Variants in ZNF469 observed in about 807,000 individuals in gnomAD.
The protein encoded by ZNF469 is zinc finger protein 469.
Under a neutral mutation model 1.0 loss-of-function variants are expected in ZNF469, and 1 was observed. The ratio of observed to expected loss-of-function variants is 1.00; its 90% CI spans 0.35 to 4.73. The LOEUF is 4.73. Among genes scored for constraint, ZNF469 ranks in the 30% most tolerant of loss-of-function variants. The pLI is 0.16. For missense variants in ZNF469, 6,100 were observed against 5,356.3 expected (o/e 1.14, Z -4.33); for synonymous variants, 2,703 against 2,363.4 (o/e 1.14, Z -4.17).
At chr16:88,112,772 CTTTTTTTT>C in the ZNF469 span, among the ~76,000 whole-genome samples, 3 of 73,468 alleles carry the variant, frequency 4.1e-5, no homozygotes, top group African/African-American at 1.2e-4. Flanking sequence ...TGTGCAGAAG[CTTTTTTTT>C]TTTTTTTTTT....
the ZNF469 span, among the ~76,000 whole-genome samples, chr16:88,236,485 C>G: frequency 2.0e-5 from 3 of 152,238 alleles, no homozygotes; most frequent in Non-Finnish European, 4.4e-5. Context: ...CCCCACTTCC[C>G]ATCACAGCCT....
At chr16:88,143,403 G>A in the ZNF469 span, among the ~76,000 whole-genome samples, 107 of 152,296 alleles carry the variant, frequency 7.0e-4, no homozygotes, top group Non-Finnish European at 1.3e-3. Flanking sequence ...CTGGGGCGCC[G>A]AGCAGGGTGG....
the ZNF469 span, among the ~76,000 whole-genome samples, chr16:88,145,234 G>T: frequency 6.6e-6 from 1 of 152,134 alleles, no homozygotes; most frequent in African/African-American, 2.4e-5. Context: ...CAGGGAAACA[G>T]CTTTGCAGTC....
chr16:88,426,071 G>C (rs537110765), intron 2 of ZNF469, among the ~76,000 whole-genome samples: 1 of 152,222 alleles, frequency 6.6e-6, no homozygotes, highest in Non-Finnish European at 1.5e-5. Flanking sequence ...GCTGTAGTGC[G>C]GGAACTCCGG....
chr16:88,413,491 C>G (rs1597198599), intron 1 of ZNF469, among the ~76,000 whole-genome samples: 1 of 152,374 alleles, frequency 6.6e-6, no homozygotes, highest in East Asian at 1.9e-4. Flanking sequence ...AAGCAGGGAG[C>G]CCTGGGCTCT....
In ZNF469 at chr16:88,433,838, T is replaced by C. The variant is rs779580911; in HGVS notation, c.6368T>C (p.Met2123Thr). Reference protein sequence around the residue: ...CAPSPTSAAHMPCSLGPLPRE... With the variant: ...CAPSPTSAAHTPCSLGPLPRE... ...CCCTCACCCACTTCAGCCGCCCACA[T>C]GCCCTGCAGCCTTGGGCCCCTGCCC... Residue 2123 changes from methionine to threonine, a missense_variant, in exon 3 of 3, where the codon ATG becomes ACG. Coordinates refer to ENST00000565624, the MANE Select transcript of ZNF469 (RefSeq NM_001367624.2). The C allele has an allele frequency of 2.9e-5, 45 of 1,549,668 alleles. No homozygotes were observed. Among genetic ancestry groups the C allele is most frequent in the South Asian group, 4.8e-5 (4 of 84,014 alleles).
chr16:88,156,333 C>T, the ZNF469 span, among the ~76,000 whole-genome samples: 1 of 152,042 alleles, frequency 6.6e-6, no homozygotes, highest in Admixed American at 6.5e-5. Flanking sequence ...AAGATTAATA[C>T]CTTTGCTTTC....
chr16:88,247,252 A>AGTGAATG, the ZNF469 span, among the ~76,000 whole-genome samples: 1 of 150,938 alleles, frequency 6.6e-6, no homozygotes, highest in Admixed American at 6.6e-5. Flanking sequence ...TGAATGAGTG[A>AGTGAATG]AGGAACAAGT....
At chr16:88,148,290 C>T in the ZNF469 span, among the ~76,000 whole-genome samples, 1 of 152,274 alleles carries the variant, frequency 6.6e-6, no homozygotes, top group African/African-American at 2.4e-5. Context: ...TCCACCACCC[C>T]CATGGGGCCT....
chr16:88,342,140 G>A, the ZNF469 span, among the ~76,000 whole-genome samples: 24 of 152,252 alleles, frequency 1.6e-4, no homozygotes, highest in African/African-American at 4.8e-4. Context: ...GAGGCGCTGC[G>A]ACAGGGGTCT....
At chr16:88,202,657 C>T in the ZNF469 span, among the ~76,000 whole-genome samples, 1 of 152,082 alleles carries the variant, frequency 6.6e-6, no homozygotes, top group East Asian at 1.9e-4. Flanking sequence ...TGGAAGAGAC[C>T]TTAGGAAACG....
chr16:88,127,438 G>T, the ZNF469 span, among the ~76,000 whole-genome samples: 477 of 152,360 alleles, frequency 3.1e-3, 1 homozygote, highest in African/African-American at 0.011. Flanking sequence ...TATTTGGTCA[G>T]TTGACTCTGA....
In ZNF469 at chr16:88,431,216, C is replaced by T; in HGVS notation, c.3746C>T (p.Pro1249Leu). The T allele has an allele frequency of 6.4e-7, 1 of 1,550,408 alleles. No individual in the cohort carries two copies. Among genetic ancestry groups the T allele is most frequent in the Non-Finnish European group, 8.7e-7 (1 of 1,146,986 alleles). ...TTCACAGAGGCTTTGCGTTCTCCTCCAGCCGCCTGTGCGGGAGAAATGGGA... is the reference window on the plus strand; with the variant it reads ...TTCACAGAGGCTTTGCGTTCTCCTCTAGCCGCCTGTGCGGGAGAAATGGGA... ...TEFTEALRSPPAACAGEMGAS... is the reference protein window; with the variant it reads ...TEFTEALRSPLAACAGEMGAS... Residue 1249 changes from proline (P) to leucine (L), a missense_variant, in exon 3 of 3, where the codon CCA (proline) becomes CTA (leucine). Coordinates refer to ENST00000565624, the MANE Select transcript of ZNF469 (RefSeq NM_001367624.2).
the ZNF469 span, among the ~76,000 whole-genome samples, chr16:88,325,016 A>G: frequency 6.6e-6 from 1 of 152,276 alleles, no homozygotes; most frequent in East Asian, 1.9e-4. Context: ...AGCCAGTGGG[A>G]GCAGGAGGAA....
intron 1 of ZNF469, among the ~76,000 whole-genome samples, chr16:88,411,210 C>A (rs531594926): frequency 1.3e-5 from 2 of 152,248 alleles, no homozygotes; most frequent in South Asian, 2.1e-4. Context: ...CTCCACCCAA[C>A]CTCAGCAATG....
the ZNF469 span, among the ~76,000 whole-genome samples, chr16:88,139,914 C>T: frequency 2.6e-5 from 4 of 152,166 alleles, no homozygotes; most frequent in Non-Finnish European, 5.9e-5. Context: ...CTCAGCCCAG[C>T]ATTCGTGAGA....
the ZNF469 span, among the ~76,000 whole-genome samples, chr16:88,221,614 C>G: frequency 1.3e-5 from 2 of 152,224 alleles, no homozygotes; most frequent in Admixed American, 6.5e-5. Flanking sequence ...TTGCATGTGC[C>G]CCTCTGAGAT....
chr16:88,329,145 T>C, the ZNF469 span, among the ~76,000 whole-genome samples: 1 of 152,134 alleles, frequency 6.6e-6, no homozygotes, highest in Non-Finnish European at 1.5e-5. Flanking sequence ...CGACCCTCAC[T>C]GTCAACAACA....
chr16:88,353,512 G>T, the ZNF469 span, among the ~76,000 whole-genome samples: 3 of 152,306 alleles, frequency 2.0e-5, no homozygotes, highest in Non-Finnish European at 4.4e-5. Flanking sequence ...GGGCCTTTGC[G>T]CACAACGCCC....
Sources: gnomAD v4.1 joint callset for allele counts (sites outside exome capture counted in the v4.1 genomes callset) on GRCh38, gnomAD v4.1.1 for gene constraint, MANE v1.5 for transcripts, NCBI Gene and HGNC (gene_info 2026-07-23, HGNC 2026-07-21) for gene names.